Variants in MSR1 observed in about 807,000 individuals in gnomAD.
MSR1 encodes macrophage scavenger receptor 1, also known as macrophage scavenger receptor types I and II.
A neutral mutation model predicts 47.2 loss-of-function variants in MSR1; 53 were observed. The observed-to-expected ratio is 1.12, with a 90% confidence interval of 0.90 to 1.41. The LOEUF (loss-of-function observed/expected upper bound fraction) is 1.41. Ranked by LOEUF, MSR1 falls within the 40% of genes most tolerant of loss-of-function variation. The pLI, the probability that MSR1 is intolerant of heterozygous loss-of-function variation, is 0.00. For synonymous variants in MSR1, 239 were observed against 185.6 expected (o/e 1.29, Z -2.34); for missense variants, 786 against 546.9 (o/e 1.44, Z -4.36).
At chr8:16,115,707 G>A (rs1374929046) in intron 9 of MSR1, among the ~76,000 whole-genome samples, 1 of 152,150 alleles carries the variant, frequency 6.6e-6, no homozygotes, top group African/African-American at 2.4e-5. Flanking sequence ...ACCAGGTGCA[G>A]TGGTTCACAC....
chr8:16,124,493 C>T (rs1043938318), intron 8 of MSR1, among the ~76,000 whole-genome samples: 5 of 152,140 alleles, frequency 3.3e-5, no homozygotes, highest in Non-Finnish European at 5.9e-5. Context: ...GAGAAATTCT[C>T]CCCACCTGCA....
chr8:16,190,363 G>A (rs366096), intron 1 of MSR1, among the ~76,000 whole-genome samples: 42,704 of 152,000 alleles, frequency 0.28, 8,649 homozygotes, highest in African/African-American at 0.53. Context: ...AGACTTATAT[G>A]TGAATATGGC....
intron 5 of MSR1, among the ~76,000 whole-genome samples, chr8:16,157,351 C>T (rs753161068): frequency 5.9e-5 from 9 of 151,690 alleles, no homozygotes; most frequent in Non-Finnish European, 7.4e-5. Context: ...TCAATCACAG[C>T]GAATAGATCA....
intron 3 of MSR1, 141 bp from the exon 4 acceptor site, chr8:16,169,011 T>C: frequency 1.2e-6 from 1 of 818,026 alleles, no homozygotes; most frequent in Non-Finnish European, 1.9e-6. Flanking sequence ...GAGTATTTTT[T>C]TTTAATCTAC....
intron 1 of MSR1, among the ~76,000 whole-genome samples, chr8:16,190,945 T>A (rs1004062412): frequency 6.6e-6 from 1 of 152,116 alleles, no homozygotes; most frequent in African/African-American, 2.4e-5. Flanking sequence ...GGTCTTGAAC[T>A]CCCGACCTCA....
intron 8 of MSR1, among the ~76,000 whole-genome samples, chr8:16,128,906 T>A (rs1183306896): frequency 6.6e-6 from 1 of 152,186 alleles, no homozygotes; most frequent in Non-Finnish European, 1.5e-5. Context: ...TTTGTTAGCT[T>A]ACACTCTGTG....
intron 7 of MSR1, among the ~76,000 whole-genome samples, chr8:16,148,242 T>C (rs1012160795): frequency 6.6e-6 from 1 of 152,110 alleles, no homozygotes; most frequent in African/African-American, 2.4e-5. Flanking sequence ...GCATTTTTTT[T>C]CTGTATCCAG....
rs565096246 is a variant in MSR1, at chr8:16,166,703, T to C, written c.630+1755A>G. 6.6e-5 allele frequency among the ~76,000 whole-genome samples: 10 copies of C among 152,246 alleles called. No homozygotes were observed. The South Asian group carries it at 2.1e-3, about 32-fold the overall frequency. On this transcript the variant is annotated intron_variant, in intron 4 of 9. Coordinates refer to ENST00000262101, the MANE Select transcript of MSR1 (RefSeq NM_138715.3). ...TGGATGATGATAAATGCCACCCCTG[T>C]CTTTCATTTGGTGCCAATGTTCTTC...
intron 8 of MSR1, chr8:16,139,625 T>C (rs1800476375): frequency 2.1e-6 from 2 of 968,516 alleles, no homozygotes; most frequent in South Asian, 4.8e-5. Flanking sequence ...CAAAAGAATA[T>C]TGGTATTCTT....
intron 3 of MSR1, among the ~76,000 whole-genome samples, chr8:16,172,122 C>T (rs1801504065): frequency 6.6e-6 from 1 of 152,128 alleles, no homozygotes; most frequent in Non-Finnish European, 1.5e-5. Flanking sequence ...CATATGAACA[C>T]AGTCATCTCT....
intron 3 of MSR1, among the ~76,000 whole-genome samples, chr8:16,173,938 C>T (rs1476287583): frequency 2.0e-5 from 3 of 152,052 alleles, no homozygotes; most frequent in African/African-American, 7.2e-5. Context: ...CATGAGCCAC[C>T]GTGCCCAGCT....
intron 5 of MSR1, among the ~76,000 whole-genome samples, chr8:16,158,270 C>G (rs1427273792): frequency 3.3e-5 from 5 of 151,912 alleles, no homozygotes; most frequent in African/African-American, 7.2e-5. Context: ...TACCTTTATA[C>G]AACACATGCA....
chr8:16,128,496 A>T (rs542692829), intron 8 of MSR1, among the ~76,000 whole-genome samples: 1 of 152,272 alleles, frequency 6.6e-6, no homozygotes, highest in African/African-American at 2.4e-5. Context: ...GGAGAAGCCA[A>T]TCCTGCCCCC....
At chr8:16,166,530 G>T (rs917160040) in intron 4 of MSR1, among the ~76,000 whole-genome samples, 5 of 151,828 alleles carry the variant, frequency 3.3e-5, no homozygotes, top group Non-Finnish European at 7.4e-5. Context: ...AATTTCAGTG[G>T]AAATTATTTT....
At chr8:16,118,117 C>T (rs1051133004) in intron 9 of MSR1, among the ~76,000 whole-genome samples, 2 of 152,022 alleles carry the variant, frequency 1.3e-5, no homozygotes, top group African/African-American at 2.4e-5. Context: ...TTTTAGGATA[C>T]TTTTCTTTTT....
chr8:16,155,277 T>C, intron 5 of MSR1, 133 bp from the exon 6 acceptor site: 1 of 670,664 alleles, frequency 1.5e-6, no homozygotes, highest in Admixed American at 2.3e-5. Flanking sequence ...TGTATAATAC[T>C]GAACTTCATG....
chr8:16,159,035 G>A (rs1801089188), intron 5 of MSR1, among the ~76,000 whole-genome samples: 1 of 146,092 alleles, frequency 6.8e-6, no homozygotes. Flanking sequence ...CTCCTGAAGT[G>A]CTGGAATTAT....
rs765838979 is a variant in MSR1 at position 16,150,279 on chromosome 8, T to C, written c.931A>G (p.Ile311Val). The C allele has an allele frequency of 4.5e-6, 7 of 1,570,226 alleles. No homozygotes were observed. The highest frequency in any genetic ancestry group is 4.1e-5 in the African/African-American group (3 of 73,462). The change falls in exon 7 of 10, where the codon ATT becomes GTT. Residue 311 changes from isoleucine (I) to valine (V), a missense_variant. Ile to Val is a conservative substitution (Grantham distance 29). Coordinates refer to ENST00000262101, the MANE Select transcript of MSR1 (RefSeq NM_138715.3). ...AGTCCTCGACTTCCAGGAAAGCCAA[T>C]TGCTCCCCGATCACCTTTAAGACCC... ...PPGLKGDRGAIGFPGSRGLPG... is the reference protein window; with the variant it reads ...PPGLKGDRGAVGFPGSRGLPG...
chr8:16,135,891 A>G (rs1289063451), intron 8 of MSR1, among the ~76,000 whole-genome samples: 1 of 152,102 alleles, frequency 6.6e-6, no homozygotes, highest in African/African-American at 2.4e-5. Flanking sequence ...ATAATAAGAG[A>G]AGTGGAGAAC....
Sources: allele counts gnomAD v4.1 joint callset (sites outside exome capture counted in the v4.1 genomes callset), GRCh38; gene constraint gnomAD v4.1.1; transcripts MANE v1.5; gene names NCBI Gene and HGNC (gene_info 2026-07-23, HGNC 2026-07-21).